RUFY3: variants seen among roughly 807,000 people sequenced by gnomAD.
RUFY3 encodes protein RUFY3.
Under a neutral mutation model 84.0 loss-of-function variants are expected in RUFY3, and 34 were observed. The observed-to-expected ratio is 0.40, with a 90% CI of 0.31 to 0.54. The LOEUF is 0.54. RUFY3 is among the 20% of genes least tolerant of loss of function. RUFY3 has a pLI of 0.39. For missense variants in RUFY3, 507 were observed against 736.8 expected (o/e 0.69, Z 3.61); for synonymous variants, 242 against 252.9 (o/e 0.96, Z 0.41).
At chr4:70,754,461 A>C (rs908213923) in intron 1 of RUFY3, among the ~76,000 whole-genome samples, 3 of 152,192 alleles carry the variant, frequency 2.0e-5, no homozygotes, top group East Asian at 1.9e-4. Context: ...GACGCCATTA[A>C]GAATAGATAG....
In RUFY3 at chr4:70,762,638, C is replaced by T; in HGVS notation, c.298C>T (p.Pro100Ser). The change falls in exon 2 of 18, where the codon CCT becomes TCT. Residue 100 changes from proline to serine, a missense_variant. Physicochemically the swap from Pro to Ser is moderately conservative, Grantham distance 74 (BLOSUM62 -1). This residue lies in a region of RUFY3 where 133 missense variants were observed against 301.1 expected (regional missense o/e 0.44). Transcript: ENST00000381006. ...LGRTLDSDYA[P>S]LQQFFVVMEH... ...GAGGACTCTTGACTCTGACTATGCACCTCTCCAGCAATTCTTTGTGGTGAT... is the reference window on the plus strand; with the variant it reads ...GAGGACTCTTGACTCTGACTATGCATCTCTCCAGCAATTCTTTGTGGTGAT... 1 of 1,613,900 alleles carries T rather than the reference C, an allele frequency of 6.2e-7. No homozygotes were observed. The highest frequency in any genetic ancestry group is 8.5e-7 in the Non-Finnish European group (1 of 1,179,976).
intron 5 of RUFY3, 48 bp downstream of exon 5, chr4:70,768,709 A>G (rs1578148377): frequency 3.8e-6 from 6 of 1,594,292 alleles, no homozygotes; most frequent in Middle Eastern, 1.7e-4. Context: ...GAGTTCTGCT[A>G]TCTCAGAAGT....
At chr4:70,703,976 G>A (rs1001075239), upstream of RUFY3, 2 of 152,196 alleles carry the variant, frequency 1.3e-5, no homozygotes, top group Admixed American at 1.3e-4. Context: ...ACTGGAAATT[G>A]TCTTTATTGC....
chr4:70,800,777 G>A (rs1732127393), intron 15 of RUFY3, among the ~76,000 whole-genome samples: 1 of 152,144 alleles, frequency 6.6e-6, no homozygotes. Context: ...AACTACTTGG[G>A]AGGCCGAGGC....
chr4:70,798,804 TCCAAAAC>T (rs1187720189), intron 14 of RUFY3, among the ~76,000 whole-genome samples: 1 of 151,548 alleles, frequency 6.6e-6, no homozygotes, highest in Non-Finnish European at 1.5e-5. Context: ...AGAGTCTGTC[TCCAAAAC>T]AAACAAACAA....
intron 1 of RUFY3, among the ~76,000 whole-genome samples, chr4:70,726,843 A>T (rs1401377134): frequency 6.6e-6 from 1 of 152,242 alleles, no homozygotes; most frequent in Non-Finnish European, 1.5e-5. Context: ...TTAAATGGAC[A>T]TTCAGAGATG....
intron 12 of RUFY3, 175 bp from the exon 13 acceptor site, chr4:70,793,610 C>A: frequency 6.8e-7 from 1 of 1,478,126 alleles, no homozygotes; most frequent in East Asian, 2.5e-5. Context: ...GAATTTGTTT[C>A]TTCTCCATCT....
intron 8 of RUFY3, among the ~76,000 whole-genome samples, chr4:70,779,001 C>G (rs777882088): frequency 7.2e-5 from 11 of 152,164 alleles, no homozygotes; most frequent in Admixed American, 2.0e-4. Context: ...CTTTCGTGTG[C>G]ATGTTTTGTC....
intron 10 of RUFY3, among the ~76,000 whole-genome samples, chr4:70,786,480 A>C (rs941968464): frequency 6.6e-6 from 1 of 152,066 alleles, no homozygotes; most frequent in African/African-American, 2.4e-5. Flanking sequence ...TAAAGACCAA[A>C]TCAGTGTTCT....
At chr4:70,734,461 T>G in intron 1 of RUFY3, 1 of 985,308 alleles carries the variant, frequency 1.0e-6, no homozygotes, top group South Asian at 4.7e-5. Context: ...GCAGTCTCAG[T>G]GAACTTCTCA....
At chr4:70,759,630 A>G (rs1465056526) in intron 1 of RUFY3, among the ~76,000 whole-genome samples, 4 of 152,172 alleles carry the variant, frequency 2.6e-5, no homozygotes, top group African/African-American at 2.4e-5. Context: ...ACTAATTGAC[A>G]TTCCCACCAA....
intron 10 of RUFY3, among the ~76,000 whole-genome samples, chr4:70,787,543 G>GA (rs1358746475): frequency 4.0e-5 from 6 of 151,864 alleles, no homozygotes; most frequent in Non-Finnish European, 7.4e-5. Context: ...TTACAGGTGT[G>GA]AGCCATCACA....
intron 1 of RUFY3, among the ~76,000 whole-genome samples, chr4:70,752,370 A>G (rs1342339085): frequency 6.6e-6 from 1 of 152,128 alleles, no homozygotes; most frequent in African/African-American, 2.4e-5. Context: ...ATCTGCAAAT[A>G]TAGTTTTACT....
chr4:70,797,011 C>T (rs1366612337), intron 14 of RUFY3, among the ~76,000 whole-genome samples: 1 of 151,114 alleles, frequency 6.6e-6, no homozygotes, highest in African/African-American at 2.4e-5. Flanking sequence ...CACAATCATG[C>T]CTCACTGCAG....
intron 10 of RUFY3, among the ~76,000 whole-genome samples, chr4:70,786,222 A>G (rs899316794): frequency 4.6e-5 from 7 of 152,184 alleles, no homozygotes; most frequent in Admixed American, 4.6e-4. Flanking sequence ...AGTAGAGAGT[A>G]AGGTGGGGTT....
chr4:70,722,850 C>G (rs1717591032), intron 1 of RUFY3, 99 bp downstream of exon 1: 1 of 1,135,714 alleles, frequency 8.8e-7, no homozygotes, highest in Non-Finnish European at 1.3e-6. Flanking sequence ...CCTACACTCT[C>G]AACTGTTAAC....
chr4:70,733,176 A>C (rs1417411203), intron 1 of RUFY3, among the ~76,000 whole-genome samples: 1 of 143,940 alleles, frequency 6.9e-6, no homozygotes, highest in Non-Finnish European at 1.5e-5. Flanking sequence ...GAAAGAAAGA[A>C]AGAAAAATGG....
upstream of RUFY3, among the ~76,000 whole-genome samples, chr4:70,719,932 T>A (rs560764073): frequency 3.3e-5 from 5 of 152,288 alleles, no homozygotes; most frequent in Non-Finnish European, 5.9e-5. Flanking sequence ...TGGCTCTGAG[T>A]CTAGATGTAG....
intron 1 of RUFY3, among the ~76,000 whole-genome samples, chr4:70,751,107 C>T (rs968023259): frequency 6.6e-6 from 1 of 152,026 alleles, no homozygotes; most frequent in African/African-American, 2.4e-5. Flanking sequence ...GGGCTACATG[C>T]GCAGGTTTGT....
Sources: gnomAD v4.1 joint callset for allele counts (sites outside exome capture counted in the v4.1 genomes callset) on GRCh38, gnomAD v4.1.1 for gene constraint, gnomAD v4.1.1 regional missense constraint, MANE v1.5 for transcripts, NCBI Gene and HGNC (gene_info 2026-07-23, HGNC 2026-07-21) for gene names.